KCNH7: variants seen among roughly 807,000 people sequenced by gnomAD.
The protein encoded by KCNH7 is potassium voltage-gated channel subfamily H member 7.
In KCNH7, 49 loss-of-function variants were observed where a neutral mutation model predicts 120.8. That is an observed-to-expected ratio of 0.41 (90% confidence interval 0.32 to 0.51). The LOEUF (loss-of-function observed/expected upper bound fraction) is 0.51, where lower values mean the gene tolerates loss of function less well. Ranked by LOEUF, KCNH7 falls within the 20% of genes least tolerant of loss-of-function variation. The pLI is 0.38. For synonymous variants in KCNH7, 547 were observed against 516.1 expected (o/e 1.06, Z -0.81); for missense variants, 1,097 against 1,446.6 (o/e 0.76, Z 3.92).
intron 3 of KCNH7, among the ~76,000 whole-genome samples, chr2:162,532,932 A>T (rs1011741721): frequency 6.6e-6 from 1 of 151,928 alleles, no homozygotes; most frequent in Non-Finnish European, 1.5e-5. Context: ...ACTCAGGAGC[A>T]CAAAGATGAG....
At chr2:162,769,284 C>T (rs1682948096) in intron 2 of KCNH7, among the ~76,000 whole-genome samples, 1 of 152,050 alleles carries the variant, frequency 6.6e-6, no homozygotes, top group South Asian at 2.1e-4. Context: ...ATTGCAAGCT[C>T]CCTAGAAGGT....
intron 10 of KCNH7, among the ~76,000 whole-genome samples, chr2:162,397,875 T>A (rs1573912194): frequency 6.6e-6 from 1 of 151,790 alleles, no homozygotes; most frequent in Non-Finnish European, 1.5e-5. Flanking sequence ...ACCTTCTTAG[T>A]TGAATGAAGT....
At chr2:162,471,965 C>A (rs904683295) in intron 6 of KCNH7, among the ~76,000 whole-genome samples, 11 of 152,122 alleles carry the variant, frequency 7.2e-5, no homozygotes, top group Admixed American at 5.9e-4. Context: ...TTTGACAAAC[C>A]TGACAAAAAC....
intron 6 of KCNH7, among the ~76,000 whole-genome samples, chr2:162,477,170 T>C (rs1384034303): frequency 1.3e-5 from 2 of 152,198 alleles, no homozygotes; most frequent in Non-Finnish European, 2.9e-5. Flanking sequence ...AAAGGCAGTA[T>C]CTTGAAAGCT....
intron 4 of KCNH7, 109 bp from the exon 5 acceptor site, chr2:162,512,783 G>T: frequency 1.2e-6 from 1 of 840,686 alleles, no homozygotes; most frequent in Non-Finnish European, 1.8e-6. Context: ...ATCAGAATAT[G>T]ATGGAAAATT....
rs192645574 is a variant in KCNH7 at position 162,429,673 on chromosome 2, C to A, written c.1954+5525G>T. On this transcript the variant is annotated intron_variant, in intron 8 of 15. Transcript: ENST00000332142. ...CTAATAAGAAATCTATCAACATTATCTTTTTCCTTTGTATATGATGTGTCA... is the reference window on the plus strand; with the variant it reads ...CTAATAAGAAATCTATCAACATTATATTTTTCCTTTGTATATGATGTGTCA... Among the ~76,000 whole-genome samples, 1,081 of 151,622 alleles carry A rather than the reference C, an allele frequency of 7.1e-3. 4 individuals are homozygous for A. Among genetic ancestry groups the A allele is most frequent in the Non-Finnish European group, 0.011 (770 of 67,786 alleles).
At chr2:162,822,459 C>T (rs995561294) in intron 2 of KCNH7, among the ~76,000 whole-genome samples, 1 of 152,064 alleles carries the variant, frequency 6.6e-6, no homozygotes. Context: ...AGAAAGGTAA[C>T]ATATCACACA....
chr2:162,580,319 G>A (rs890104397), intron 2 of KCNH7, among the ~76,000 whole-genome samples: 8 of 152,038 alleles, frequency 5.3e-5, no homozygotes, highest in Admixed American at 3.3e-4. Flanking sequence ...ATGAGAGCCA[G>A]TACATATCCT....
At chr2:162,664,675 A>T (rs1223307901) in intron 2 of KCNH7, among the ~76,000 whole-genome samples, 1 of 152,196 alleles carries the variant, frequency 6.6e-6, no homozygotes, top group Admixed American at 6.5e-5. Context: ...TGTATAAGGT[A>T]TTAGTTATTC....
intron 9 of KCNH7, among the ~76,000 whole-genome samples, chr2:162,408,851 G>T (rs963438432): frequency 6.6e-6 from 1 of 151,658 alleles, no homozygotes; most frequent in African/African-American, 2.4e-5. Context: ...GGAGTGCTTA[G>T]AAATTAAGAA....
At chr2:162,580,820 G>A (rs1693841492) in intron 2 of KCNH7, among the ~76,000 whole-genome samples, 1 of 152,014 alleles carries the variant, frequency 6.6e-6, no homozygotes. Context: ...CAAACTCAAG[G>A]AGAGCAACCC....
intron 2 of KCNH7, among the ~76,000 whole-genome samples, chr2:162,686,140 C>T (rs750241540): frequency 6.6e-6 from 1 of 151,976 alleles, no homozygotes. Flanking sequence ...GGGTATAAAA[C>T]GTTTCTCCTA....
At chr2:162,777,350 T>G (rs1411963642) in intron 2 of KCNH7, among the ~76,000 whole-genome samples, 1 of 151,662 alleles carries the variant, frequency 6.6e-6, no homozygotes, top group African/African-American at 2.4e-5. Flanking sequence ...TATCAATAAT[T>G]GTTATATGGT....
intron 2 of KCNH7, among the ~76,000 whole-genome samples, chr2:162,657,590 A>C (rs1684810441): frequency 1.3e-5 from 2 of 152,208 alleles, no homozygotes; most frequent in Admixed American, 1.3e-4. Context: ...ACCTACATAA[A>C]AAATATTTTG....
Position 162,712,981 on chromosome 2 carries a change from G to T in KCNH7, c.307+123556C>A, listed in dbSNP as rs542559869. Among the ~76,000 whole-genome samples the T allele has an allele frequency of 8.5e-5, 13 of 152,326 alleles. No homozygotes were observed. In the East Asian group the frequency reaches 2.3e-3, roughly 27 times the overall value. ...TTTAGTCATGTAGAGGGAAAGATGT[G>T]TACAGAGTTCAAATAACTGATTCAG... On this transcript the variant is annotated intron_variant, in intron 2 of 15. Transcript: ENST00000332142.
chr2:162,639,788 A>G (rs1191393153), intron 2 of KCNH7, among the ~76,000 whole-genome samples: 1 of 152,092 alleles, frequency 6.6e-6, no homozygotes, highest in Non-Finnish European at 1.5e-5. Context: ...AACTGTTCCT[A>G]TTTGTAGTAC....
At chr2:162,496,838 C>T (rs1409016712) in intron 6 of KCNH7, 1 of 152,092 alleles carries the variant, frequency 6.6e-6, no homozygotes, top group South Asian at 2.1e-4. Flanking sequence ...GTTGTTGTAT[C>T]TGAAAGACTT....
chr2:162,517,669 TGCAAA>T, intron 4 of KCNH7, 56 bp downstream of exon 4: 1 of 1,324,138 alleles, frequency 7.6e-7, no homozygotes, highest in African/African-American at 1.5e-5. Context: ...TCAAACAATA[TGCAAA>T]TAATCATTTA....
At chr2:162,420,779 C>T (rs980381707) in intron 9 of KCNH7, among the ~76,000 whole-genome samples, 10 of 151,912 alleles carry the variant, frequency 6.6e-5, no homozygotes, top group Admixed American at 2.6e-4. Flanking sequence ...TAAGGTTATA[C>T]GTAAAATATC....
Sources: gnomAD v4.1 joint callset for allele counts (sites outside exome capture counted in the v4.1 genomes callset) on GRCh38, gnomAD v4.1.1 for gene constraint, MANE v1.5 for transcripts, NCBI Gene and HGNC (gene_info 2026-07-23, HGNC 2026-07-21) for gene names.